NOTUM: variants seen among roughly 807,000 people sequenced by gnomAD.
NOTUM encodes the protein palmitoleoyl-protein carboxylesterase NOTUM.
A neutral mutation model predicts 65.5 loss-of-function variants in NOTUM; 36 were observed. That is an observed-to-expected ratio of 0.55 (90% CI 0.42 to 0.73). NOTUM has a LOEUF of 0.73. NOTUM is among the 30% of genes least tolerant of loss of function. The pLI, the probability that NOTUM is intolerant of heterozygous loss-of-function variation, is 0.00. For missense variants in NOTUM, 659 were observed against 694.2 expected, an observed-to-expected ratio of 0.95 and a Z score of 0.57; for synonymous variants, 356 against 297.9, an observed-to-expected ratio of 1.20 and a Z score of -2.01.
At position 81,959,647 on chromosome 17, in the gene NOTUM, G is replaced by C. The variant is rs1352587610; in HGVS notation, c.369C>G (p.Phe123Leu). ...ESRGSRRWLL[F>L]LEGGWYCFNR... ...CCTCAGCCCTGGACGCACCTTCCAG[G>C]AAGAGGAGCCACCGCCGGCTGCCCC... The change falls in exon 2 of 11, where the codon TTC becomes TTG. Residue 123 changes from phenylalanine to leucine, a missense_variant. Physicochemically the swap from Phe to Leu is conservative, Grantham distance 22. Coordinates refer to ENST00000409678, the MANE Select transcript of NOTUM (RefSeq NM_178493.6). 1.3e-6 allele frequency: 2 copies of C among 1,544,306 alleles called. No homozygotes were observed. Among genetic ancestry groups the C allele is most frequent in the Non-Finnish European group, 1.7e-6 (2 of 1,145,290 alleles).
At chr17:81,954,449 C>G in intron 9 of NOTUM, 146 bp from the exon 10 acceptor site, 2 of 619,606 alleles carry the variant, frequency 3.2e-6, no homozygotes, top group Non-Finnish European at 5.8e-6. Context: ...GGGCCTCCCC[C>G]TAGTTGGCCA....
chr17:81,960,686 T>G lies in NOTUM; in HGVS notation c.224A>C (p.Gln75Pro). 6.2e-7 allele frequency: 1 copy of G among 1,600,918 alleles called. No homozygotes were observed. Among genetic ancestry groups the G allele is most frequent in the Non-Finnish European group, 8.5e-7 (1 of 1,174,494 alleles). The change falls in exon 1 of 11, where the codon CAG becomes CCG. Residue 75 changes from glutamine (Q) to proline (P), a missense_variant. Coordinates refer to ENST00000409678, the MANE Select transcript of NOTUM (RefSeq NM_178493.6). This position sits in a 1 kb window ranked among gnomAD's most constrained non-coding sequence, Gnocchi z 6.4. ...CTGCGCGGAGCAGGGGTACAGGGACTGCGCCAGGCTCTTGACTTGCGCCAT... is the reference window on the plus strand; with the variant it reads ...CTGCGCGGAGCAGGGGTACAGGGACGGCGCCAGGCTCTTGACTTGCGCCAT... ...SFMAQVKSLA[Q>P]SLYPCSAQQL...
intron 6 of NOTUM, 70 bp downstream of exon 6, chr17:81,957,736 C>G: frequency 9.0e-7 from 1 of 1,110,430 alleles, no homozygotes; most frequent in South Asian, 1.4e-5. Flanking sequence ...CAACCCCACC[C>G]CACACCCCTT....
rs773476965 is a variant in NOTUM at position 81,960,637 on chromosome 17, C to G, written c.273G>C (p.Leu91=). ...SAQQLNEDLR[L]HLLLNTSVTC... is the part of the protein sequence containing the mutation. ...TCACCGAGGTGTTGAGTAGGAGGTG[C>G]AGGCGCAGGTCCTCGTTGAGCTGCT... Residue 91 remains leucine, a synonymous_variant, in exon 1 of 11, where the codon CTG becomes CTC. Transcript: ENST00000409678. This position sits in a 1 kb window ranked among gnomAD's most constrained non-coding sequence, Gnocchi z 6.4. 1.3e-6 allele frequency: 2 copies of G among 1,555,212 alleles called. No homozygotes were observed. Among genetic ancestry groups the G allele is most frequent in the African/African-American group, 1.4e-5 (1 of 73,502 alleles).
At chr17:81,955,568 G>C (rs567188490) in intron 8 of NOTUM, 24 bp from the exon 9 acceptor site, 2 of 1,601,800 alleles carry the variant, frequency 1.2e-6, no homozygotes, top group Non-Finnish European at 8.5e-7. Context: ...GGCTCAGTTC[G>C]GCCTCCCCTG....
rs576271869 is a variant in NOTUM at position 81,958,238 on chromosome 17, G to T, written c.592+97C>A. 4.8e-6 allele frequency: 4 copies of T among 825,990 alleles called. No individual in the cohort carries two copies. In the Admixed American group the frequency reaches 5.7e-5, roughly 12 times the overall value. 51.2% of individuals were successfully genotyped at this position (825,990 alleles called of 1,614,324 possible). A position where few individuals can be genotyped will look rare whatever the true frequency, so the allele number is the denominator to read the frequency against. ...TCAGCTTTTCCCCAGAACCCCTGCC[G>T]TCCCGCCTCATCCCTGCCCTGCCGT... On this transcript the variant is annotated intron_variant, in intron 5 of 10. Coordinates refer to ENST00000409678, the MANE Select transcript of NOTUM (RefSeq NM_178493.6).
chr17:81,959,239 C>A, intron 3 of NOTUM: 2 of 610,248 alleles, frequency 3.3e-6, no homozygotes, highest in Non-Finnish European at 5.8e-6. Context: ...ACTTCAACCC[C>A]TTGCCCTGCT....
Position 81,955,553 on chromosome 17 carries a change from G to A in NOTUM, c.989-9C>T, listed in dbSNP as rs200537520. 117 of 1,606,624 alleles carry A rather than the reference G, an allele frequency of 7.3e-5. No homozygotes were observed. In the African/African-American group the frequency reaches 1.1e-3, roughly 15 times the overall value. On this transcript the variant is annotated splice_polypyrimidine_tract_variant and intron_variant, in intron 8 of 10. Coordinates refer to ENST00000409678, the MANE Select transcript of NOTUM (RefSeq NM_178493.6). ...CACCACGAACACAGGGCCTGCGGGC[G>A]GCGGGGCTCAGTTCGGCCTCCCCTG...
rs1197321992 is a variant in NOTUM, at chr17:81,960,158, G to A, written c.323+429C>T. 6.6e-6 allele frequency among the ~76,000 whole-genome samples: 1 copy of A among 152,114 alleles called. No homozygotes were observed. The highest frequency in any genetic ancestry group is 2.1e-4 in the South Asian group (1 of 4,838). ...CTCCCGCTGTCCCCGGCTGTCCTCG[G>A]CCTGTTGAGCGCGTGGGCGGCCCCG... On this transcript the variant is annotated intron_variant, in intron 1 of 10. Coordinates refer to ENST00000409678, the MANE Select transcript of NOTUM (RefSeq NM_178493.6). The surrounding 1 kb of genome is among the most constrained non-coding windows in gnomAD (Gnocchi z 6.4).
intron 5 of NOTUM, among the ~76,000 whole-genome samples, 158 bp downstream of exon 5, chr17:81,958,177 C>T (rs1413253807): frequency 6.6e-6 from 1 of 152,166 alleles, no homozygotes; most frequent in Middle Eastern, 3.2e-3. Context: ...CTGGGACATA[C>T]TGTCAAGGGC....
chr17:81,952,883 G>C lies in NOTUM; in HGVS notation c.*78C>G. On this transcript the variant is annotated 3_prime_UTR_variant, in exon 11 of 11. Transcript: ENST00000409678. The stretch of plus-strand genomic sequence containing the variant: ...CTGTCCCGAAGAGACGGGAGGGCCT[G>C]CTGGTGGGGGGTGAGGTGGCACTGG... 1 of 1,307,234 alleles carries C rather than the reference G, an allele frequency of 7.6e-7. No individual in the cohort carries two copies. The highest frequency in any genetic ancestry group is 1.3e-5 in the South Asian group (1 of 78,796). 81.0% of individuals were successfully genotyped at this position (1,307,234 alleles called of 1,614,324 possible). A position where few individuals can be genotyped will look rare whatever the true frequency, so the allele number is the denominator to read the frequency against.
At position 81,959,582 on chromosome 17, in the gene NOTUM, C is replaced by A. The variant is rs985187401; in HGVS notation, c.377-16G>T. 8.4e-6 allele frequency: 13 copies of A among 1,547,598 alleles called. No homozygotes were observed. The highest frequency in any genetic ancestry group is 1.1e-5 in the Non-Finnish European group (13 of 1,145,756). On this transcript the variant is annotated splice_polypyrimidine_tract_variant and intron_variant, in intron 2 of 10. Transcript: ENST00000409678. ...TACCAGCCGCCTGCGGACACGACCG[C>A]CGCTCAGGCCCGCGCGCACAGACCC... is the stretch of plus-strand genomic sequence containing the variant.
chr17:81,957,853 C>A lies in NOTUM; in HGVS notation c.648G>T (p.Leu216=), dbSNP rs1422843094. ...LIIQEVVREL[L]GRGLSGAKVL... is the part of the protein sequence containing the mutation. Reference sequence around the variant, plus strand: ...CCTTGGCCCCGCTCAGCCCTCTGCCCAGAAGCTCCCGCACCACCTCCTGGA... The same window carrying A: ...CCTTGGCCCCGCTCAGCCCTCTGCCAAGAAGCTCCCGCACCACCTCCTGGA... The change falls in exon 6 of 11, where the codon CTG becomes CTT. Residue 216 remains leucine, a synonymous_variant. Transcript: ENST00000409678. The A allele has an allele frequency of 6.2e-7, 1 of 1,609,724 alleles. No individual in the cohort carries two copies. The highest frequency in any genetic ancestry group is 1.7e-5 in the Admixed American group (1 of 59,746).
Position 81,960,758 on chromosome 17 carries a change from C to G in NOTUM, c.152G>C (p.Ser51Thr). 1 of 1,591,876 alleles carries G rather than the reference C, an allele frequency of 6.3e-7. No homozygotes were observed. Among genetic ancestry groups the G allele is most frequent in the South Asian group, 1.1e-5 (1 of 88,218 alleles). ...AAPAAGQPVE[S>T]FPLDFTAVEG... The stretch of plus-strand genomic sequence containing the variant: ...CACGGCCGTGAAGTCCAGCGGGAAG[C>G]TCTCCACGGGCTGTCCGGCCGCCGG... Residue 51 changes from serine (S) to threonine (T), a missense_variant, in exon 1 of 11, where the codon AGC (serine) becomes ACC (threonine). Transcript: ENST00000409678. This position sits in a 1 kb window ranked among gnomAD's most constrained non-coding sequence, Gnocchi z 6.4.
In NOTUM at chr17:81,958,413, G is replaced by C; in HGVS notation, c.534-20C>G. The C allele has an allele frequency of 6.3e-7, 1 of 1,592,770 alleles. No homozygotes were observed. Among genetic ancestry groups the C allele is most frequent in the Middle Eastern group, 1.7e-4 (1 of 6,038 alleles). On this transcript the variant is annotated intron_variant, in intron 4 of 10. Transcript: ENST00000409678. ...ATGAAGCTGCAACACAGAACAGAGT[G>C]AGCCTGTCACAGCGCCTGCCGCCCG...
intron 9 of NOTUM, among the ~76,000 whole-genome samples, chr17:81,954,931 A>ATCTCTC (rs35033192): frequency 4.5e-5 from 5 of 110,024 alleles, no homozygotes; most frequent in South Asian, 5.3e-4. Context: ...ACCGATCTCG[A>ATCTCTC]TCTCTCTCTC....
At chr17:81,954,931 A>ATC (rs35033192) in intron 9 of NOTUM, among the ~76,000 whole-genome samples, 1,422 of 110,082 alleles carry the variant, frequency 0.013, 21 homozygotes, top group South Asian at 0.067. Flanking sequence ...ACCGATCTCG[A>ATC]TCTCTCTCTC....
chr17:81,954,148 C>G (rs1457290391), intron 10 of NOTUM, 108 bp downstream of exon 10: 1 of 756,760 alleles, frequency 1.3e-6, no homozygotes, highest in Non-Finnish European at 2.3e-6. Flanking sequence ...AATCCCACCC[C>G]TAGAAGCGCC....
intron 8 of NOTUM, 148 bp from the exon 9 acceptor site, chr17:81,955,692 C>G (rs2041427798): frequency 1.6e-6 from 1 of 639,854 alleles, no homozygotes; most frequent in African/African-American, 2.2e-5. Context: ...TGCCCCCCAC[C>G]CCAGGCTCAG....
Sources: allele counts gnomAD v4.1 joint callset (sites outside exome capture counted in the v4.1 genomes callset), GRCh38; gene constraint gnomAD v4.1.1; non-coding constraint Gnocchi (gnomAD v3.1); transcripts MANE v1.5; gene names NCBI Gene and HGNC (gene_info 2026-07-23, HGNC 2026-07-21).